Variants in PEX5L observed in about 807,000 individuals in gnomAD.
PEX5L encodes the protein peroxisomal biogenesis factor 5 like, also known as PEX5-related protein.
In PEX5L, 30 loss-of-function variants were observed where a neutral mutation model predicts 84.0. The ratio of observed to expected loss-of-function variants is 0.36; its 90% CI spans 0.27 to 0.48. The LOEUF (loss-of-function observed/expected upper bound fraction) is 0.48, where lower values mean the gene tolerates loss of function less well. PEX5L is among the 20% of genes least tolerant of loss of function. The pLI, the probability that PEX5L is intolerant of heterozygous loss-of-function variation, is 0.99. For missense variants in PEX5L, 533 were observed against 754.6 expected (o/e 0.71, Z 3.44); for synonymous variants, 270 against 283.1 (o/e 0.95, Z 0.46).
Position 179,816,014 on chromosome 3 carries a change from A to T in PEX5L, c.940-10T>A. 6.2e-7 allele frequency: 1 copy of T among 1,613,780 alleles called. No individual in the cohort carries two copies. The highest frequency in any genetic ancestry group is 8.5e-7 in the Non-Finnish European group (1 of 1,179,750). On this transcript the variant is annotated splice_polypyrimidine_tract_variant and intron_variant, in intron 9 of 14. Transcript: ENST00000467460. ...TGTGAAAGTAATATCCCTGCAACAC[A>T]GAAAAAGGCCAGTGCATGAGCCATT...
intron 2 of PEX5L, among the ~76,000 whole-genome samples, chr3:179,969,642 G>A (rs1784252655): frequency 6.6e-6 from 1 of 152,146 alleles, no homozygotes; most frequent in South Asian, 2.1e-4. Flanking sequence ...AAAAAGGAAG[G>A]ACTACTCTTT....
intron 5 of PEX5L, among the ~76,000 whole-genome samples, chr3:179,875,908 G>A (rs574400981): frequency 1.3e-5 from 2 of 152,214 alleles, no homozygotes; most frequent in East Asian, 3.9e-4. Context: ...CATGATTCTG[G>A]AAAGAAATTC....
intron 2 of PEX5L, among the ~76,000 whole-genome samples, chr3:179,941,633 C>G (rs555744809): frequency 6.6e-6 from 1 of 152,250 alleles, no homozygotes; most frequent in East Asian, 1.9e-4. Context: ...AAGCTCCTAC[C>G]CACAACATTG....
chr3:179,841,199 C>T (rs755490001), intron 8 of PEX5L, among the ~76,000 whole-genome samples: 5 of 152,306 alleles, frequency 3.3e-5, no homozygotes, highest in Non-Finnish European at 7.4e-5. Flanking sequence ...TCTGCCTCCT[C>T]TGCCTGCTTC....
intron 1 of PEX5L, among the ~76,000 whole-genome samples, chr3:179,981,325 G>A (rs1405815429): frequency 6.6e-6 from 1 of 152,086 alleles, no homozygotes; most frequent in East Asian, 1.9e-4. Flanking sequence ...TCAGATATGT[G>A]CTGTAAGAAG....
intron 8 of PEX5L, among the ~76,000 whole-genome samples, chr3:179,843,672 A>G (rs1164479709): frequency 2.0e-5 from 3 of 152,382 alleles, no homozygotes; most frequent in Non-Finnish European, 4.4e-5. Context: ...GAGATAAATT[A>G]TTAATCACTG....
At chr3:179,962,464 A>G (rs1013236142) in intron 2 of PEX5L, among the ~76,000 whole-genome samples, 7 of 152,236 alleles carry the variant, frequency 4.6e-5, no homozygotes, top group African/African-American at 1.4e-4. Flanking sequence ...TCTTAGAACA[A>G]TATCTTTTCA....
intron 10 of PEX5L, among the ~76,000 whole-genome samples, chr3:179,814,112 C>T (rs902230581): frequency 1.1e-4 from 17 of 152,218 alleles, no homozygotes; most frequent in Admixed American, 6.5e-4. Context: ...TGAGGCACCA[C>T]GCTTGGCCTA....
intron 9 of PEX5L, among the ~76,000 whole-genome samples, chr3:179,817,466 G>A (rs919996583): frequency 3.3e-5 from 5 of 152,140 alleles, no homozygotes; most frequent in Non-Finnish European, 5.9e-5. Context: ...TACGGTGAAA[G>A]CCTTATGCAC....
At chr3:179,998,956 T>C (rs1282472445) in intron 1 of PEX5L, among the ~76,000 whole-genome samples, 4 of 152,102 alleles carry the variant, frequency 2.6e-5, no homozygotes, top group Non-Finnish European at 5.9e-5. Flanking sequence ...CACCCAAAAG[T>C]GGACAGCTGC....
At chr3:179,916,270 A>C (rs917870266) in intron 2 of PEX5L, among the ~76,000 whole-genome samples, 1 of 152,184 alleles carries the variant, frequency 6.6e-6, no homozygotes, top group African/African-American at 2.4e-5. Flanking sequence ...CCTCATACAC[A>C]TCTAAGCTAT....
chr3:179,897,083 T>C (rs983780144), intron 3 of PEX5L, among the ~76,000 whole-genome samples: 2 of 152,124 alleles, frequency 1.3e-5, no homozygotes, highest in South Asian at 4.1e-4. Flanking sequence ...ACTTACAACA[T>C]AGTATTTAGA....
Position 180,018,360 on chromosome 3 carries a change from A to C in PEX5L, c.21+18219T>G, listed in dbSNP as rs751974559. Among the ~76,000 whole-genome samples, 72 of 152,214 alleles carry C rather than the reference A, an allele frequency of 4.7e-4. 1 individual carries two copies. Among genetic ancestry groups the C allele is most frequent in the Admixed American group, 3.3e-4 (5 of 15,272 alleles). On this transcript the variant is annotated intron_variant, in intron 1 of 14. Transcript: ENST00000467460. ...TTAGCCAGTGAATATCTCATGTAAG[A>C]ATATTCTAAAAGAAATAACACAGAA... is the stretch of plus-strand genomic sequence containing the variant.
rs60064616 is a variant in PEX5L at position 180,027,348 on chromosome 3, T to C, written c.21+9231A>G. 1.2e-3 allele frequency among the ~76,000 whole-genome samples: 180 copies of C among 152,308 alleles called. 1 individual carries two copies. Among genetic ancestry groups the C allele is most frequent in the African/African-American group, 4.2e-3 (175 of 41,558 alleles). On this transcript the variant is annotated intron_variant, in intron 1 of 14. Coordinates refer to ENST00000467460, the MANE Select transcript of PEX5L (RefSeq NM_016559.3). ...TACTTTTTTTCCAACACATTATTTATTTTGAAATAGTCTCTTAAGCTTACA... is the reference window on the plus strand; with the variant it reads ...TACTTTTTTTCCAACACATTATTTACTTTGAAATAGTCTCTTAAGCTTACA...
chr3:179,929,748 T>C (rs1772495370), intron 2 of PEX5L, among the ~76,000 whole-genome samples: 1 of 152,174 alleles, frequency 6.6e-6, no homozygotes, highest in East Asian at 1.9e-4. Flanking sequence ...ATGGATAACC[T>C]TCAACTCCCA....
chr3:179,880,317 T>G (rs1753781409), intron 4 of PEX5L, among the ~76,000 whole-genome samples, 194 bp from the exon 5 acceptor site: 1 of 152,210 alleles, frequency 6.6e-6, no homozygotes, highest in Admixed American at 6.5e-5. Context: ...ATAGTTGGTA[T>G]GGCACAAATT....
intron 7 of PEX5L, among the ~76,000 whole-genome samples, chr3:179,867,720 T>C (rs1748836923): frequency 6.6e-6 from 1 of 152,158 alleles, no homozygotes; most frequent in Non-Finnish European, 1.5e-5. Flanking sequence ...TTGAACTGAA[T>C]GGAATGAAAC....
chr3:179,980,276 A>T (rs1561014627), intron 1 of PEX5L, among the ~76,000 whole-genome samples: 1 of 152,082 alleles, frequency 6.6e-6, no homozygotes, highest in Non-Finnish European at 1.5e-5. Flanking sequence ...TATAATCAGC[A>T]TTTCTATTAT....
chr3:179,977,654 G>A lies in PEX5L; in HGVS notation c.22-5989C>T, dbSNP rs746503467. ...TTGAGAGTGATCGCCTTTCAAGGAC[G>A]TAAGCTCAAATAGACCTTTTGAATG... On this transcript the variant is annotated intron_variant, in intron 1 of 14. Coordinates refer to ENST00000467460, the MANE Select transcript of PEX5L (RefSeq NM_016559.3). Among the ~76,000 whole-genome samples, 6 of 152,164 alleles carry A rather than the reference G, an allele frequency of 3.9e-5. No homozygotes were observed. In the South Asian group the frequency reaches 8.3e-4, roughly 21 times the overall value.
Sources: allele counts gnomAD v4.1 joint callset (sites outside exome capture counted in the v4.1 genomes callset), GRCh38; gene constraint gnomAD v4.1.1; transcripts MANE v1.5; gene names NCBI Gene and HGNC (gene_info 2026-07-23, HGNC 2026-07-21).